The following CHN2 variants were observed in gnomAD, a reference collection of about 807,000 sequenced individuals.
CHN2 encodes chimerin 2, also known as beta-chimaerin.
Under a neutral mutation model 56.3 loss-of-function variants are expected in CHN2, and 35 were observed. The ratio of observed to expected loss-of-function variants is 0.62; its 90% CI spans 0.47 to 0.82. The LOEUF is 0.82. Ranked by LOEUF, CHN2 falls within the 40% of genes least tolerant of loss-of-function variation. The pLI is 0.00. For synonymous variants in CHN2, 210 were observed against 212.8 expected (o/e 0.99, Z 0.12); for missense variants, 491 against 580.5 (o/e 0.85, Z 1.58).
At chr7:29,295,819 CT>C (rs1562897509) in intron 1 of CHN2, among the ~76,000 whole-genome samples, 1 of 152,190 alleles carries the variant, frequency 6.6e-6, no homozygotes, top group Non-Finnish European at 1.5e-5. Context: ...GATCTGGCCT[CT>C]GTGGCATTAC....
At chr7:29,315,644 A>T (rs2128890166) in intron 1 of CHN2, among the ~76,000 whole-genome samples, 1 of 152,306 alleles carries the variant, frequency 6.6e-6, no homozygotes, top group East Asian at 1.9e-4. Context: ...TAATGCAGTG[A>T]TGGGATTTGA....
At chr7:29,273,834 T>C (rs1790956346) in intron 1 of CHN2, among the ~76,000 whole-genome samples, 1 of 152,230 alleles carries the variant, frequency 6.6e-6, no homozygotes. Context: ...TGTTGCCATG[T>C]CATGTCATGC....
chr7:29,514,000 A>T lies in CHN2; in HGVS notation c.*1265A>T, dbSNP rs1186128136. 5 of 152,734 alleles carry T rather than the reference A, an allele frequency of 3.3e-5. No homozygotes were observed. The East Asian group carries it at 7.7e-4, about 24-fold the overall frequency. 9.5% of individuals were successfully genotyped at this position (152,734 alleles called of 1,614,324 possible). A position where few individuals can be genotyped will look rare whatever the true frequency, so the allele number is the denominator to read the frequency against. On this transcript the variant is annotated 3_prime_UTR_variant, in exon 13 of 13. Transcript: ENST00000222792. The stretch of plus-strand genomic sequence containing the variant: ...TGCAATGTCTTTTCCTTTGATTGAG[A>T]TGATTTGTGTAAACTCACCAGTCTT...
intron 6 of CHN2, among the ~76,000 whole-genome samples, chr7:29,442,039 C>T (rs1183603744): frequency 2.6e-5 from 4 of 152,172 alleles, no homozygotes; most frequent in Admixed American, 6.5e-5. Flanking sequence ...AAATGTCCAT[C>T]AACACATGCT....
chr7:29,373,027 A>G (rs1260412374), intron 3 of CHN2, among the ~76,000 whole-genome samples: 1 of 152,242 alleles, frequency 6.6e-6, no homozygotes, highest in African/African-American at 2.4e-5. Flanking sequence ...CATTTTATAT[A>G]GCTTCATTTC....
At chr7:29,317,176 G>A (rs1795013476) in intron 1 of CHN2, among the ~76,000 whole-genome samples, 1 of 152,224 alleles carries the variant, frequency 6.6e-6, no homozygotes, top group Non-Finnish European at 1.5e-5. Flanking sequence ...GATAGAAGTA[G>A]ATAGGGAAGG....
intron 2 of CHN2, among the ~76,000 whole-genome samples, chr7:29,152,017 G>T (rs75607487): frequency 0.017 from 2,547 of 152,150 alleles, 55 homozygotes; most frequent in African/African-American, 0.057. Context: ...TATTTTCTTC[G>T]AATGGAAATA....
chr7:29,403,465 T>A (rs1449625720), intron 6 of CHN2, among the ~76,000 whole-genome samples: 1 of 152,160 alleles, frequency 6.6e-6, no homozygotes, highest in Admixed American at 6.5e-5. Flanking sequence ...GTTTTCTCAT[T>A]TGTTTTATTG....
chr7:29,360,953 G>A (rs981752817), intron 2 of CHN2, among the ~76,000 whole-genome samples: 3 of 152,168 alleles, frequency 2.0e-5, no homozygotes, highest in Admixed American at 2.0e-4. Context: ...GGGTTTCTTG[G>A]GGAGTTAGGG....
chr7:29,413,151 A>G (rs976027795), intron 6 of CHN2, among the ~76,000 whole-genome samples: 2 of 152,212 alleles, frequency 1.3e-5, no homozygotes, highest in Non-Finnish European at 2.9e-5. Context: ...AGTTCCCGCA[A>G]AGTTAATATT....
chr7:29,306,669 G>T (rs999826681), intron 1 of CHN2, among the ~76,000 whole-genome samples: 1 of 152,218 alleles, frequency 6.6e-6, no homozygotes, highest in Non-Finnish European at 1.5e-5. Context: ...TGTGTTCAAG[G>T]TGATTTTTCA....
intron 6 of CHN2, among the ~76,000 whole-genome samples, chr7:29,426,691 T>A (rs2128109919): frequency 6.6e-6 from 1 of 152,326 alleles, no homozygotes; most frequent in East Asian, 1.9e-4. Flanking sequence ...TCCAGCAGAC[T>A]CAGCCAGGTT....
intron 6 of CHN2, 31 bp from the exon 7 acceptor site, chr7:29,480,248 G>GC: frequency 6.2e-7 from 1 of 1,614,134 alleles, no homozygotes; most frequent in East Asian, 2.2e-5. Context: ...GCTTTCTTTG[G>GC]CCCCCTCTCA....
chr7:29,459,104 G>T (rs1332563512), intron 6 of CHN2, among the ~76,000 whole-genome samples: 1 of 152,186 alleles, frequency 6.6e-6, no homozygotes, highest in Non-Finnish European at 1.5e-5. Flanking sequence ...GAATCCTTTG[G>T]TATTCTGTGC....
intron 2 of CHN2, among the ~76,000 whole-genome samples, chr7:29,367,324 G>A (rs1309298285): frequency 6.6e-6 from 1 of 152,136 alleles, no homozygotes; most frequent in African/African-American, 2.4e-5. Flanking sequence ...AGATGAGAAA[G>A]GGCCTAGGAA....
chr7:29,314,078 A>G (rs1197458983), intron 1 of CHN2, among the ~76,000 whole-genome samples: 3 of 152,232 alleles, frequency 2.0e-5, no homozygotes, highest in African/African-American at 7.2e-5. Flanking sequence ...AATTAAAGGC[A>G]AAATTTCCAA....
In CHN2 at chr7:29,220,277, A is replaced by AG. The variant is rs1380896972; in HGVS notation, c.49+25287_49+25288insG. On this transcript the variant is annotated intron_variant, in intron 1 of 12. Transcript: ENST00000222792. The stretch of plus-strand genomic sequence containing the variant: ...AGAGGGAGACCCTGTCTTAAAAAAA[A>AG]AAAAGAGAGAGAGAGAGAGAGAGAA... 2.3e-3 allele frequency among the ~76,000 whole-genome samples: 219 copies of AG among 97,004 alleles called. 1 individual carries two copies. Among genetic ancestry groups the AG allele is most frequent in the African/African-American group, 0.01 (202 of 20,036 alleles). 63.6% of individuals were successfully genotyped at this position (97,004 alleles called of 152,430 possible).
Position 29,480,446 on chromosome 7 carries a change from G to A in CHN2, c.654+90G>A, listed in dbSNP as rs1787069136. On this transcript the variant is annotated intron_variant, in intron 7 of 12. Transcript: ENST00000222792. ...TTTCCGTCTGGTTTCTGACTGTAAAGTCAAGAGACAATGAATTCCTTTGCT... is the reference window on the plus strand; with the variant it reads ...TTTCCGTCTGGTTTCTGACTGTAAAATCAAGAGACAATGAATTCCTTTGCT... 9.0e-6 allele frequency: 12 copies of A among 1,330,176 alleles called. No individual in the cohort carries two copies. The Admixed American group carries it at 2.3e-4, about 25-fold the overall frequency. 82.4% of individuals were successfully genotyped at this position (1,330,176 alleles called of 1,614,324 possible).
intron 6 of CHN2, among the ~76,000 whole-genome samples, chr7:29,433,848 A>T (rs373324084): frequency 6.6e-6 from 1 of 151,420 alleles, no homozygotes; most frequent in Non-Finnish European, 1.5e-5. Flanking sequence ...AAACAAAAAA[A>T]AAAAGGAAGG....
Sources: gnomAD v4.1 joint callset for allele counts (sites outside exome capture counted in the v4.1 genomes callset) on GRCh38, gnomAD v4.1.1 for gene constraint, MANE v1.5 for transcripts, NCBI Gene and HGNC (gene_info 2026-07-23, HGNC 2026-07-21) for gene names.